The following ST3GAL3 variants were observed in gnomAD, a reference collection of about 807,000 sequenced individuals.
ST3GAL3 encodes ST3 beta-galactoside alpha-2,3-sialyltransferase 3.
In ST3GAL3, 21 loss-of-function variants were observed where a neutral mutation model predicts 50.1. That is an observed-to-expected ratio of 0.42 (90% CI 0.30 to 0.60). ST3GAL3 has a LOEUF of 0.60. Ranked by LOEUF, ST3GAL3 falls within the 20% of genes least tolerant of loss-of-function variation. The pLI is 0.19. For synonymous variants in ST3GAL3, 183 were observed against 190.0 expected, an observed-to-expected ratio of 0.96 and a Z score of 0.30; for missense variants, 353 against 489.4, an observed-to-expected ratio of 0.72 and a Z score of 2.63.
At chr1:43,808,315 A>C (rs1194098109) in intron 3 of ST3GAL3, among the ~76,000 whole-genome samples, 1 of 151,758 alleles carries the variant, frequency 6.6e-6, no homozygotes, top group Non-Finnish European at 1.5e-5. Flanking sequence ...AAAAAAAAAA[A>C]AAAAAAGTGG....
chr1:43,838,558 C>T (rs750856002), intron 5 of ST3GAL3: 13 of 461,892 alleles, frequency 2.8e-5, no homozygotes, highest in Non-Finnish European at 2.8e-5. Flanking sequence ...GGATAACCTA[C>T]ATGGTTGCCG....
At chr1:43,800,191 A>G (rs562906559) in intron 3 of ST3GAL3, among the ~76,000 whole-genome samples, 6 of 152,180 alleles carry the variant, frequency 3.9e-5, no homozygotes, top group Non-Finnish European at 8.8e-5. Flanking sequence ...CCACACCAAC[A>G]TACACCCATT....
At chr1:43,870,880 G>C (rs1277622158) in intron 5 of ST3GAL3, among the ~76,000 whole-genome samples, 3 of 152,184 alleles carry the variant, frequency 2.0e-5, no homozygotes, top group African/African-American at 7.2e-5. Flanking sequence ...TGAGCATGGA[G>C]AAGGCCAAGT....
chr1:43,906,616 CTCT>C (rs2079803160), intron 9 of ST3GAL3, among the ~76,000 whole-genome samples: 1 of 133,664 alleles, frequency 7.5e-6, no homozygotes, highest in South Asian at 2.6e-4. Context: ...CCTCCTCCTG[CTCT>C]TCTTCCTGCC....
At chr1:43,805,144 G>C (rs1428551994) in intron 3 of ST3GAL3, among the ~76,000 whole-genome samples, 1 of 152,176 alleles carries the variant, frequency 6.6e-6, no homozygotes, top group Non-Finnish European at 1.5e-5. Context: ...AGAAGGACAT[G>C]GGTACCCACA....
intron 5 of ST3GAL3, chr1:43,879,126 A>G (rs1234985546): frequency 2.2e-6 from 1 of 449,556 alleles, no homozygotes; most frequent in Admixed American, 2.4e-5. Context: ...GTGACATTTC[A>G]ACAGAAATCT....
rs149333762 is a variant in ST3GAL3, at chr1:43,710,242, C to T, written c.-31+2549C>T. Among the ~76,000 whole-genome samples, 508 of 152,174 alleles carry T rather than the reference C, an allele frequency of 3.3e-3. 5 individuals carry two copies. The highest frequency in any genetic ancestry group is 0.012 in the African/African-American group (486 of 41,514). On this transcript the variant is annotated intron_variant, in intron 1 of 11. Coordinates refer to ENST00000347631, the MANE Select transcript of ST3GAL3 (RefSeq NM_006279.5). Reference sequence around the variant, plus strand: ...GACGACAGGCGTGTGCCACCACACCCGGCTAATTTTTGTATTTTTAATAGA... The same window carrying T: ...GACGACAGGCGTGTGCCACCACACCTGGCTAATTTTTGTATTTTTAATAGA...
chr1:43,771,138 C>T (rs1310112485), intron 2 of ST3GAL3, among the ~76,000 whole-genome samples: 2 of 152,174 alleles, frequency 1.3e-5, no homozygotes, highest in Admixed American at 1.3e-4. Context: ...ACATTTTCAT[C>T]CTCTATTTTG....
intron 5 of ST3GAL3, among the ~76,000 whole-genome samples, chr1:43,872,945 G>C (rs137952591): frequency 2.0e-5 from 3 of 152,330 alleles, no homozygotes; most frequent in Non-Finnish European, 4.4e-5. Flanking sequence ...AGAGGAAACA[G>C]CCAGTGCAAA....
intron 2 of ST3GAL3, among the ~76,000 whole-genome samples, chr1:43,783,736 G>GC (rs147135960): frequency 0.023 from 3,528 of 151,962 alleles, 42 homozygotes; most frequent in Middle Eastern, 0.048. Context: ...CCCTTACACT[G>GC]CCCCCACCCC....
intron 3 of ST3GAL3, among the ~76,000 whole-genome samples, chr1:43,797,350 G>A (rs1448223237): frequency 1.3e-5 from 2 of 152,138 alleles, no homozygotes; most frequent in Non-Finnish European, 1.5e-5. Context: ...ACAGAGCCTA[G>A]TGACTTGTGG....
intron 4 of ST3GAL3, among the ~76,000 whole-genome samples, chr1:43,815,386 A>G (rs2061107502): frequency 6.6e-6 from 1 of 151,924 alleles, no homozygotes; most frequent in Non-Finnish European, 1.5e-5. Context: ...TTTTCCCTCT[A>G]CCTTTGCATG....
Position 43,894,936 on chromosome 1 carries a change from A to G in ST3GAL3, c.397+459A>G, listed in dbSNP as rs192481802. On this transcript the variant is annotated intron_variant, in intron 6 of 11. Coordinates refer to ENST00000347631, the MANE Select transcript of ST3GAL3 (RefSeq NM_006279.5). ...CATGCCCGGCTTCTTCTTTAATGGA[A>G]TATTTACACAGAGCCCACCACTTTG... 1.4e-4 allele frequency among the ~76,000 whole-genome samples: 22 copies of G among 152,180 alleles called. No homozygotes were observed. In the East Asian group the frequency reaches 4.1e-3, roughly 28 times the overall value.
rs75561435 is a variant in ST3GAL3, at chr1:43,787,489, C to T, written c.119-4613C>T. ...CAAAATTCATCAAAACAAAATTCAT[C>T]AAACCTTTAATGCTCACAGCAGATT... is the stretch of plus-strand genomic sequence containing the variant. On this transcript the variant is annotated intron_variant, in intron 2 of 11. Transcript: ENST00000347631. Among the ~76,000 whole-genome samples the T allele has an allele frequency of 3.3e-3, 506 of 152,336 alleles. 2 individuals are homozygous for T. Among genetic ancestry groups the T allele is most frequent in the African/African-American group, 0.011 (466 of 41,558 alleles).
intron 5 of ST3GAL3, chr1:43,850,565 G>GT: frequency 1.4e-6 from 1 of 724,240 alleles, no homozygotes; most frequent in Non-Finnish European, 2.6e-6. Context: ...GCCGTAGAGT[G>GT]TTTCTATCAT....
intron 5 of ST3GAL3, among the ~76,000 whole-genome samples, chr1:43,892,025 C>A (rs1010839806): frequency 6.6e-6 from 1 of 152,198 alleles, no homozygotes; most frequent in Non-Finnish European, 1.5e-5. Context: ...CTCACTGCAA[C>A]CTCTACCTCC....
At chr1:43,895,333 A>G (rs2077242601) in intron 6 of ST3GAL3, among the ~76,000 whole-genome samples, 1 of 152,156 alleles carries the variant, frequency 6.6e-6, no homozygotes, top group Admixed American at 6.5e-5. Flanking sequence ...ACACAGCTCC[A>G]TGCTAACTTA....
intron 5 of ST3GAL3, among the ~76,000 whole-genome samples, chr1:43,891,962 G>A (rs746540681): frequency 1.3e-5 from 2 of 152,116 alleles, no homozygotes; most frequent in Non-Finnish European, 2.9e-5. Context: ...TTTTAAATTT[G>A]AGATGGAGTC....
chr1:43,905,720 C>A, intron 9 of ST3GAL3, among the ~76,000 whole-genome samples: 2 of 102,874 alleles, frequency 1.9e-5, no homozygotes, highest in Non-Finnish European at 4.0e-5. Flanking sequence ...CTTCCTCCCC[C>A]TCCTCCTGTT....
Sources: allele counts gnomAD v4.1 joint callset (sites outside exome capture counted in the v4.1 genomes callset), GRCh38; gene constraint gnomAD v4.1.1; transcripts MANE v1.5; gene names NCBI Gene and HGNC (gene_info 2026-07-23, HGNC 2026-07-21).